ROBO1: variants seen among roughly 807,000 people sequenced by gnomAD.
ROBO1 encodes the protein roundabout homolog 1.
Under a neutral mutation model 195.9 loss-of-function variants are expected in ROBO1, and 149 were observed. The observed-to-expected ratio is 0.76, with a 90% CI of 0.67 to 0.87. The LOEUF is 0.87. ROBO1 is among the 40% of genes least tolerant of loss of function. The probability of loss-of-function intolerance (pLI) is 0.00; values close to 1 mark genes in which losing one functional copy is unlikely to be tolerated. For missense variants in ROBO1, 1,933 were observed against 2,068.3 expected, an observed-to-expected ratio of 0.93 and a Z score of 1.27; for synonymous variants, 816 against 733.2, an observed-to-expected ratio of 1.11 and a Z score of -1.82.
chr3:79,677,895 T>A (rs951266209), intron 1 of ROBO1, among the ~76,000 whole-genome samples: 1 of 152,126 alleles, frequency 6.6e-6, no homozygotes, highest in African/African-American at 2.4e-5. Flanking sequence ...AGTTCAGCCA[T>A]AGTGAATGCC....
intron 1 of ROBO1, among the ~76,000 whole-genome samples, chr3:79,660,271 A>AT (rs1459541943): frequency 1.3e-4 from 19 of 151,898 alleles, no homozygotes; most frequent in Non-Finnish European, 2.2e-4. Flanking sequence ...ATCCTGTGGA[A>AT]GTCACGACTA....
chr3:79,047,280 T>A (rs577112137), intron 3 of ROBO1, among the ~76,000 whole-genome samples: 4 of 152,126 alleles, frequency 2.6e-5, no homozygotes, highest in Admixed American at 2.0e-4. Context: ...GTTAAGGAGA[T>A]TTCCAAGCAA....
chr3:79,211,083 G>C (rs1283633511), intron 2 of ROBO1, among the ~76,000 whole-genome samples: 2 of 151,992 alleles, frequency 1.3e-5, no homozygotes, highest in Non-Finnish European at 2.9e-5. Context: ...ATAGAAAATG[G>C]GGAAAATGTT....
intron 2 of ROBO1, among the ~76,000 whole-genome samples, chr3:79,186,624 C>A (rs1377322685): frequency 6.6e-6 from 1 of 152,046 alleles, no homozygotes; most frequent in African/African-American, 2.4e-5. Flanking sequence ...GGATTAGACT[C>A]TTTCACCCTT....
At chr3:78,823,615 A>G (rs1477404378) in intron 4 of ROBO1, among the ~76,000 whole-genome samples, 1 of 152,166 alleles carries the variant, frequency 6.6e-6, no homozygotes, top group East Asian at 1.9e-4. Context: ...CCCTGCCTTC[A>G]TTTCCAGCCT....
intron 1 of ROBO1, among the ~76,000 whole-genome samples, chr3:79,660,632 A>T (rs1946301346): frequency 6.6e-6 from 1 of 152,138 alleles, no homozygotes; most frequent in Non-Finnish European, 1.5e-5. Flanking sequence ...GCTGATAAGA[A>T]TAAAAATCTC....
At chr3:79,389,850 G>A (rs2106694821) in intron 2 of ROBO1, among the ~76,000 whole-genome samples, 1 of 152,260 alleles carries the variant, frequency 6.6e-6, no homozygotes, top group South Asian at 2.1e-4. Flanking sequence ...GAAGAGTTTG[G>A]AGTTTTCATC....
chr3:79,316,765 T>A (rs2033754828), intron 2 of ROBO1, among the ~76,000 whole-genome samples: 1 of 152,154 alleles, frequency 6.6e-6, no homozygotes, highest in Non-Finnish European at 1.5e-5. Context: ...TATTTGCATT[T>A]TTTTGTATTT....
chr3:79,387,518 A>G (rs1457071935), intron 2 of ROBO1, among the ~76,000 whole-genome samples: 1 of 151,484 alleles, frequency 6.6e-6, no homozygotes. Flanking sequence ...ATATTAGCTA[A>G]TGTTAGTAAA....
chr3:79,566,204 CAACTT>C (rs1219773059), intron 2 of ROBO1, among the ~76,000 whole-genome samples: 1 of 152,120 alleles, frequency 6.6e-6, no homozygotes, highest in African/African-American at 2.4e-5. Flanking sequence ...TAATCACAAA[CAACTT>C]AATAACATTA....
intron 1 of ROBO1, among the ~76,000 whole-genome samples, chr3:79,601,040 A>C (rs976530493): frequency 2.0e-5 from 3 of 152,068 alleles, no homozygotes; most frequent in African/African-American, 7.2e-5. Flanking sequence ...ATAATGTATA[A>C]ACAGAGTGCT....
intron 17 of ROBO1, 143 bp downstream of exon 17, chr3:78,659,543 G>A (rs1475649599): frequency 7.0e-6 from 4 of 573,872 alleles, no homozygotes; most frequent in Non-Finnish European, 1.0e-5. Context: ...ACAAGAAAGC[G>A]TTTTAAAAAT....
chr3:78,756,538 A>T (rs972552978), intron 4 of ROBO1, among the ~76,000 whole-genome samples: 15 of 152,184 alleles, frequency 9.9e-5, no homozygotes, highest in Admixed American at 2.0e-4. Flanking sequence ...TTCATTCAAT[A>T]AAAGTACAAC....
intron 4 of ROBO1, among the ~76,000 whole-genome samples, chr3:78,762,548 C>T (rs984828226): frequency 3.3e-5 from 5 of 151,906 alleles, no homozygotes; most frequent in Admixed American, 2.6e-4. Context: ...TTTCACTAAA[C>T]AGACGATGTA....
intron 4 of ROBO1, among the ~76,000 whole-genome samples, chr3:78,752,480 C>A (rs1456474942): frequency 6.6e-6 from 1 of 152,080 alleles, no homozygotes. Context: ...ATTTTGAAGG[C>A]TGGATCAGAA....
intron 2 of ROBO1, among the ~76,000 whole-genome samples, chr3:79,147,458 T>C (rs990765965): frequency 5.3e-5 from 8 of 151,990 alleles, no homozygotes; most frequent in Non-Finnish European, 1.0e-4. Flanking sequence ...ATTTAGGCGA[T>C]GTTCCCGAGG....
At chr3:79,318,906 A>C (rs1447534425) in intron 2 of ROBO1, among the ~76,000 whole-genome samples, 1 of 152,246 alleles carries the variant, frequency 6.6e-6, no homozygotes, top group Non-Finnish European at 1.5e-5. Flanking sequence ...GAGTAAAAAG[A>C]AATAGGTAAA....
At position 79,000,633 on chromosome 3, in the gene ROBO1, G is replaced by A. The variant is rs149363099; in HGVS notation, c.173-61706C>T. Reference sequence around the variant, plus strand: ...AAAAAGTCAGGAAAGAACAGATGCTGGAGAGAATGTGGAGAAATAGGAACA... The same window carrying A: ...AAAAAGTCAGGAAAGAACAGATGCTAGAGAGAATGTGGAGAAATAGGAACA... On this transcript the variant is annotated intron_variant, in intron 3 of 30. Coordinates refer to ENST00000464233, the MANE Select transcript of ROBO1 (RefSeq NM_002941.4). Among the ~76,000 whole-genome samples, 483 of 152,248 alleles carry A rather than the reference G, an allele frequency of 3.2e-3. 6 individuals carry two copies. The highest frequency in any genetic ancestry group is 0.011 in the African/African-American group (472 of 41,554).
chr3:78,790,720 C>G (rs1421717187), intron 4 of ROBO1, among the ~76,000 whole-genome samples: 1 of 152,152 alleles, frequency 6.6e-6, no homozygotes, highest in African/African-American at 2.4e-5. Flanking sequence ...TAAGGAAGCT[C>G]CAAGACTTGT....
Sources: allele counts gnomAD v4.1 joint callset (sites outside exome capture counted in the v4.1 genomes callset), GRCh38; gene constraint gnomAD v4.1.1; transcripts MANE v1.5; gene names NCBI Gene and HGNC (gene_info 2026-07-23, HGNC 2026-07-21).